The following LIN28B variants were observed in gnomAD, a reference collection of about 807,000 sequenced individuals.
LIN28B encodes protein lin-28 homolog B.
Under a neutral mutation model 21.9 loss-of-function variants are expected in LIN28B, and 5 were observed. The observed-to-expected ratio is 0.23, with a 90% CI of 0.12 to 0.48. The LOEUF (loss-of-function observed/expected upper bound fraction) is 0.48. Ranked by LOEUF, LIN28B falls within the 20% of genes least tolerant of loss-of-function variation. LIN28B has a pLI of 0.98. For missense variants in LIN28B, 245 were observed against 310.5 expected, an observed-to-expected ratio of 0.79 and a Z score of 1.58; for synonymous variants, 109 against 111.3, an observed-to-expected ratio of 0.98 and a Z score of 0.13.
intron 2 of LIN28B, among the ~76,000 whole-genome samples, chr6:105,000,734 T>C (rs1000759393): frequency 2.0e-5 from 3 of 151,984 alleles, no homozygotes; most frequent in Admixed American, 2.0e-4. Flanking sequence ...TCACTAAATA[T>C]AAGATTTACT....
upstream of LIN28B, among the ~76,000 whole-genome samples, chr6:104,955,746 T>G (rs1778278279): frequency 6.7e-6 from 1 of 148,866 alleles, no homozygotes; most frequent in South Asian, 2.2e-4. Flanking sequence ...GTTAGTTTCT[T>G]GGTAAACTGC....
At chr6:104,954,734 C>A (rs1451999266), upstream of LIN28B, among the ~76,000 whole-genome samples, 1 of 152,218 alleles carries the variant, frequency 6.6e-6, no homozygotes. Flanking sequence ...CTTAATTCCA[C>A]TAATACTGGA....
intron 2 of LIN28B, among the ~76,000 whole-genome samples, chr6:104,991,003 C>T (rs1770454405): frequency 6.6e-6 from 1 of 152,236 alleles, no homozygotes; most frequent in Non-Finnish European, 1.5e-5. Flanking sequence ...TCTATCTTTT[C>T]CCCACATTTC....
intron 3 of LIN28B, among the ~76,000 whole-genome samples, chr6:105,053,220 T>C (rs980561250): frequency 6.6e-6 from 1 of 152,226 alleles, no homozygotes; most frequent in African/African-American, 2.4e-5. Context: ...ATTTCCACTT[T>C]GTGAAATTTA....
chr6:105,013,906 G>A (rs1439028265), intron 2 of LIN28B, among the ~76,000 whole-genome samples: 1 of 151,976 alleles, frequency 6.6e-6, no homozygotes, highest in Non-Finnish European at 1.5e-5. Context: ...TGGTGGTGAC[G>A]GGCCCTCTTT....
At chr6:105,034,872 G>A (rs1771494609) in intron 3 of LIN28B, among the ~76,000 whole-genome samples, 1 of 151,890 alleles carries the variant, frequency 6.6e-6, no homozygotes, top group African/African-American at 2.4e-5. Context: ...AATCAGTGTG[G>A]GCTTCCTTAT....
chr6:105,025,276 G>A (rs1025866024), intron 2 of LIN28B, among the ~76,000 whole-genome samples: 1 of 152,086 alleles, frequency 6.6e-6, no homozygotes, highest in East Asian at 1.9e-4. Context: ...AATTAGATCT[G>A]TAAAATGTAC....
intron 3 of LIN28B, among the ~76,000 whole-genome samples, chr6:105,078,201 C>T (rs1257789920): frequency 6.6e-6 from 1 of 152,058 alleles, no homozygotes; most frequent in African/African-American, 2.4e-5. Context: ...AGTTGTGTCT[C>T]ACACAACTAA....
At chr6:104,999,714 C>G (rs1331319143) in intron 2 of LIN28B, among the ~76,000 whole-genome samples, 1 of 151,854 alleles carries the variant, frequency 6.6e-6, no homozygotes, top group East Asian at 1.9e-4. Context: ...GGAGTTCGTT[C>G]TTGTCGCCCA....
intron 2 of LIN28B, among the ~76,000 whole-genome samples, chr6:105,013,569 C>A (rs9500011): frequency 0.022 from 3,383 of 151,682 alleles, 149 homozygotes; most frequent in African/African-American, 0.078. Flanking sequence ...AAAACCCTGT[C>A]TCTACAAAAA....
intron 2 of LIN28B, among the ~76,000 whole-genome samples, chr6:104,964,496 T>C (rs1432299173): frequency 2.6e-5 from 4 of 152,218 alleles, no homozygotes; most frequent in African/African-American, 9.6e-5. Flanking sequence ...CTTTATACTT[T>C]GAGCTATTTC....
At chr6:104,966,955 G>A (rs994666225) in intron 2 of LIN28B, among the ~76,000 whole-genome samples, 3 of 151,800 alleles carry the variant, frequency 2.0e-5, no homozygotes, top group South Asian at 4.2e-4. Flanking sequence ...TTGTAGAGAC[G>A]GGGTCTCCCC....
intron 2 of LIN28B, among the ~76,000 whole-genome samples, chr6:104,967,794 TG>T (rs1769894622): frequency 6.6e-6 from 1 of 152,042 alleles, no homozygotes; most frequent in African/African-American, 2.4e-5. Flanking sequence ...TTATCCAACC[TG>T]AGCCTTCTGA....
chr6:104,944,856 T>C (rs1215155907), intron 2 of LIN28B, among the ~76,000 whole-genome samples: 1 of 152,126 alleles, frequency 6.6e-6, no homozygotes, highest in African/African-American at 2.4e-5. Flanking sequence ...GGCATGCAGC[T>C]CATTTTCAAG....
chr6:104,941,684 A>G (rs945930711), intron 2 of LIN28B, among the ~76,000 whole-genome samples: 3 of 152,188 alleles, frequency 2.0e-5, no homozygotes, highest in African/African-American at 4.8e-5. Context: ...ATGTAAATTC[A>G]TGAATTAAAA....
intron 2 of LIN28B, among the ~76,000 whole-genome samples, chr6:105,001,651 C>A (rs1214962743): frequency 6.6e-6 from 1 of 152,062 alleles, no homozygotes; most frequent in Non-Finnish European, 1.5e-5. Flanking sequence ...GGTCAGTGAA[C>A]TGCGATGAAC....
intron 2 of LIN28B, among the ~76,000 whole-genome samples, chr6:105,013,004 A>G (rs1029356613): frequency 1.3e-5 from 2 of 151,796 alleles, no homozygotes; most frequent in Admixed American, 1.3e-4. Context: ...TGTGTATTGC[A>G]TTGTGGTTTT....
At chr6:104,955,352 T>A (rs1396752903), upstream of LIN28B, among the ~76,000 whole-genome samples, 1 of 151,530 alleles carries the variant, frequency 6.6e-6, no homozygotes, top group Non-Finnish European at 1.5e-5. Flanking sequence ...GGATTATTCC[T>A]CCCAAAATAA....
intron 2 of LIN28B, among the ~76,000 whole-genome samples, chr6:104,970,427 A>T (rs1327468024): frequency 6.6e-6 from 1 of 152,154 alleles, no homozygotes; most frequent in Non-Finnish European, 1.5e-5. Context: ...CACAGATGGG[A>T]TTGCAGTGAA....
Sources: allele counts gnomAD v4.1 joint callset (sites outside exome capture counted in the v4.1 genomes callset), GRCh38; gene constraint gnomAD v4.1.1; transcripts MANE v1.5; gene names NCBI Gene and HGNC (gene_info 2026-07-23, HGNC 2026-07-21).